Variants in RSRC2 observed in about 807,000 individuals in gnomAD.
RSRC2 encodes arginine/serine-rich coiled-coil protein 2.
RSRC2 carries 5 observed loss-of-function variants against 61.3 expected under a neutral mutation model. The ratio of observed to expected loss-of-function variants is 0.08; its 90% CI spans 0.04 to 0.17. RSRC2 has a LOEUF of 0.17. Ranked by LOEUF, RSRC2 falls within the 10% of genes least tolerant of loss-of-function variation. The probability of loss-of-function intolerance (pLI) is 1.00; values close to 1 mark genes in which losing one functional copy is unlikely to be tolerated. For synonymous variants in RSRC2, 202 were observed against 166.5 expected, an observed-to-expected ratio of 1.21 and a Z score of -1.64; for missense variants, 381 against 518.8, an observed-to-expected ratio of 0.73 and a Z score of 2.58.
At position 122,519,042 on chromosome 12, in the gene RSRC2, G is replaced by A; in HGVS notation, c.208-13C>T. ...CATGTCTTCTTCCCTGTTTTAAGAA[G>A]AAGTTGGTTCTTTCAGGAAAATAGT... is the stretch of plus-strand genomic sequence containing the variant. On this transcript the variant is annotated splice_polypyrimidine_tract_variant and intron_variant, in intron 3 of 9. Coordinates refer to ENST00000331738, the MANE Select transcript of RSRC2 (RefSeq NM_023012.6). 1 of 1,611,418 alleles carries A rather than the reference G, an allele frequency of 6.2e-7. No homozygotes were observed. The highest frequency in any genetic ancestry group is 8.5e-7 in the Non-Finnish European group (1 of 1,179,150).
chr12:122,521,491 A>C, intron 2 of RSRC2, 63 bp from the exon 3 acceptor site: 1 of 1,428,422 alleles, frequency 7.0e-7, no homozygotes, highest in Admixed American at 1.7e-5. Flanking sequence ...CATCTTAAAA[A>C]ACTCTTAATG....
rs1387730894 is a variant in RSRC2, at chr12:122,505,658, T to G, written c.1174A>C (p.Thr392Pro). Residue 392 changes from threonine (T) to proline (P), a missense_variant, in exon 10 of 10, where the codon ACT becomes CCT. By Grantham distance (38) the Thr-to-Pro change is conservative. Coordinates refer to ENST00000331738, the MANE Select transcript of RSRC2 (RefSeq NM_023012.6). ...AATACTTCTTCCTGCTGCTTCAGAG[T>G]CTTGTAACTTTCTTCATCAACTGAG... ...CSSVDEESYK[T>P]LKQQEEVFRN... is the part of the protein sequence containing the mutation. 1 of 1,613,940 alleles carries G rather than the reference T, an allele frequency of 6.2e-7. No homozygotes were observed. Among genetic ancestry groups the G allele is most frequent in the Non-Finnish European group, 8.5e-7 (1 of 1,179,972 alleles).
At chr12:122,517,940 G>A (rs1039930340) in intron 4 of RSRC2, among the ~76,000 whole-genome samples, 1 of 152,152 alleles carries the variant, frequency 6.6e-6, no homozygotes, top group African/African-American at 2.4e-5. Context: ...CAAAAGGACT[G>A]TTTATCAGCT....
chr12:122,505,890 T>C (rs907357746), intron 9 of RSRC2, among the ~76,000 whole-genome samples, 184 bp from the exon 10 acceptor site: 1 of 152,108 alleles, frequency 6.6e-6, no homozygotes, highest in Non-Finnish European at 1.5e-5. Flanking sequence ...GTAATTCTTA[T>C]GCCTCAGCCT....
At chr12:122,523,134 G>A (rs1593424037) in intron 1 of RSRC2, 1 of 152,228 alleles carries the variant, frequency 6.6e-6, no homozygotes, top group African/African-American at 2.4e-5. Context: ...AGCTAGGAAT[G>A]GTTTTTTACG....
At chr12:122,510,776 G>A (rs1003108352) in intron 7 of RSRC2, among the ~76,000 whole-genome samples, 2 of 152,202 alleles carry the variant, frequency 1.3e-5, no homozygotes, top group African/African-American at 4.8e-5. Flanking sequence ...GCTGGGTGCA[G>A]TGGCTCATGC....
rs766400807 is a variant in RSRC2, at chr12:122,505,732, A to G, written c.1126-26T>C. ...CTAAAAATCAGACATAAAACATTAC[A>G]ATGAATTCAGATGGAGATAAATATT... On this transcript the variant is annotated intron_variant, in intron 9 of 9. Coordinates refer to ENST00000331738, the MANE Select transcript of RSRC2 (RefSeq NM_023012.6). 7.0e-6 allele frequency: 11 copies of G among 1,582,698 alleles called. No individual in the cohort carries two copies. In the South Asian group the frequency reaches 1.2e-4, roughly 18 times the overall value.
At chr12:122,507,170 G>C in intron 8 of RSRC2, 1 of 483,764 alleles carries the variant, frequency 2.1e-6, no homozygotes, top group Non-Finnish European at 3.7e-6. Context: ...CTGAGGTCAG[G>C]GGATCGAGAC....
chr12:122,516,250 T>C (rs1227449072), intron 5 of RSRC2, among the ~76,000 whole-genome samples: 1 of 152,204 alleles, frequency 6.6e-6, no homozygotes, highest in Non-Finnish European at 1.5e-5. Flanking sequence ...TACTGTCATA[T>C]GTAAACAAGC....
rs1454890594 is a variant in RSRC2, at chr12:122,505,647, C to T, written c.1185G>A (p.Gln395=). 2 of 1,614,116 alleles carry T rather than the reference C, an allele frequency of 1.2e-6. No homozygotes were observed. The highest frequency in any genetic ancestry group is 1.7e-5 in the Admixed American group (1 of 60,022). ...CTAAATTTCGAAATACTTCTTCCTG[C>T]TGCTTCAGAGTCTTGTAACTTTCTT... ...VDEESYKTLK[Q]QEEVFRNLDA... is the part of the protein sequence containing the mutation. The change falls in exon 10 of 10, where the codon CAG becomes CAA. Residue 395 remains glutamine (Q), a synonymous_variant. Transcript: ENST00000331738.
At chr12:122,516,919 C>T (rs1958973240) in intron 5 of RSRC2, among the ~76,000 whole-genome samples, 1 of 152,134 alleles carries the variant, frequency 6.6e-6, no homozygotes, top group African/African-American at 2.4e-5. Context: ...TCTTGAACTC[C>T]TGGGCTCAAA....
intron 3 of RSRC2, 49 bp from the exon 4 acceptor site, chr12:122,519,078 G>C (rs1565902213): frequency 6.7e-7 from 1 of 1,487,008 alleles, no homozygotes; most frequent in South Asian, 1.1e-5. Flanking sequence ...GCAACAAAGA[G>C]AGTTAGTATG....
rs1275856050 is a variant in RSRC2 at position 122,505,078 on chromosome 12, T to C, written c.*449A>G. The C allele has an allele frequency of 6.5e-6, 1 of 153,140 alleles. No individual in the cohort carries two copies. The highest frequency in any genetic ancestry group is 2.4e-5 in the African/African-American group (1 of 41,474). The allele number at this position is 153,140 out of a possible 1,614,324, so 9.5% of individuals were successfully genotyped here. A position where few individuals can be genotyped will look rare whatever the true frequency, so the allele number is the denominator to read the frequency against. ...AGTTTTGAGAAAACCATTTTTATTA[T>C]CATTACCACCCAGCTTATCTGTGCT... On this transcript the variant is annotated 3_prime_UTR_variant, in exon 10 of 10. Transcript: ENST00000331738.
intron 6 of RSRC2, chr12:122,514,713 G>GT (rs1254005586): frequency 2.6e-6 from 3 of 1,163,056 alleles, no homozygotes; most frequent in Admixed American, 6.2e-5. Flanking sequence ...TTTACTTACT[G>GT]TTTCAGGTAT....
rs751743259 is a variant in RSRC2 at position 122,515,157 on chromosome 12, G to C, written c.673C>G (p.Pro225Ala). 25 of 1,614,108 alleles carry C rather than the reference G, an allele frequency of 1.5e-5. No homozygotes were observed. The highest frequency in any genetic ancestry group is 2.0e-5 in the Non-Finnish European group (24 of 1,179,968). ...ATTGCTGTGTTTCTGCCTCTGAAGG[G>C]AGGTGGACTTGGAGTCCGGCTTAAA... The part of the protein sequence containing the change: ...RSLSRTPSPP[P>A]FRGRNTAMDA... Residue 225 changes from proline to alanine, a missense_variant, in exon 6 of 10, where the codon CCC becomes GCC. Physicochemically the swap from Pro to Ala is conservative, Grantham distance 27 (BLOSUM62 -1). Around this residue, in one of 4 missense-constraint regions of RSRC2, gnomAD observed 11 missense variants for 37.8 expected, o/e 0.29. Coordinates refer to ENST00000331738, the MANE Select transcript of RSRC2 (RefSeq NM_023012.6).
In RSRC2 at chr12:122,505,450, C is replaced by A. The variant is rs1958055740; in HGVS notation, c.*77G>T. 5.1e-6 allele frequency: 7 copies of A among 1,374,416 alleles called. No homozygotes were observed. The highest frequency in any genetic ancestry group is 7.1e-6 in the Non-Finnish European group (7 of 988,700). The allele number at this position is 1,374,416 out of a possible 1,614,324, so 85.1% of individuals were successfully genotyped here. A position where few individuals can be genotyped will look rare whatever the true frequency, so the allele number is the denominator to read the frequency against. On this transcript the variant is annotated 3_prime_UTR_variant, in exon 10 of 10. Transcript: ENST00000331738. ...TGCAACACCCATGCAAGCTAGAGTG[C>A]TAGCTGTTTGGTGAACAAGGACGTG...
rs938818923 is a variant in RSRC2 at position 122,511,234 on chromosome 12, C to T, written c.726-46G>A. 16 of 1,414,326 alleles carry T rather than the reference C, an allele frequency of 1.1e-5. No individual in the cohort carries two copies. The Admixed American group carries it at 2.2e-4, about 19-fold the overall frequency. 87.6% of individuals were successfully genotyped at this position (1,414,326 alleles called of 1,614,324 possible). A position where few individuals can be genotyped will look rare whatever the true frequency, so the allele number is the denominator to read the frequency against. On this transcript the variant is annotated intron_variant, in intron 6 of 9. Transcript: ENST00000331738. ...AATTTAAAATAACACAATATAAAAC[C>T]ATTATGTATATATCTCTCTATATGT...
chr12:122,525,467 A>G (rs1401237011), intron 1 of RSRC2, among the ~76,000 whole-genome samples: 2 of 152,196 alleles, frequency 1.3e-5, no homozygotes, highest in Non-Finnish European at 2.9e-5. Context: ...GGAAGACAGT[A>G]AAAGAAACGG....
At position 122,522,144 on chromosome 12, in the gene RSRC2, T is replaced by A; in HGVS notation, c.162A>T (p.Ser54=). 6.2e-7 allele frequency: 1 copy of A among 1,610,160 alleles called. No homozygotes were observed. Among genetic ancestry groups the A allele is most frequent in the South Asian group, 1.1e-5 (1 of 90,362 alleles). Residue 54 remains serine (S), a splice_region_variant and synonymous_variant, in exon 2 of 10, where the codon TCA becomes TCT. Transcript: ENST00000331738. ...GTAACCACCTTTAAGAATTCATACC[T>A]GACTTTCGTTTTCTTTCTCTTGACC... ...RSRSRERKRK[S]DNEGRKHRSR...
Sources: gnomAD v4.1 joint callset for allele counts (sites outside exome capture counted in the v4.1 genomes callset) on GRCh38, gnomAD v4.1.1 for gene constraint, gnomAD v4.1.1 regional missense constraint, MANE v1.5 for transcripts, NCBI Gene and HGNC (gene_info 2026-07-23, HGNC 2026-07-21) for gene names.